KRT74: variants seen among roughly 807,000 people sequenced by gnomAD.
The protein encoded by KRT74 is keratin, type II cytoskeletal 74.
A neutral mutation model predicts 42.7 loss-of-function variants in KRT74; 43 were observed. The observed-to-expected ratio is 1.01, with a 90% CI of 0.79 to 1.30. The LOEUF (loss-of-function observed/expected upper bound fraction) is 1.30, where lower values mean the gene tolerates loss of function less well. Ranked by LOEUF, KRT74 falls within the 50% of genes most tolerant of loss-of-function variation. KRT74 has a pLI of 0.00. For synonymous variants in KRT74, 302 were observed against 279.0 expected (o/e 1.08, Z -0.82); for missense variants, 736 against 689.1 (o/e 1.07, Z -0.76).
intron 4 of KRT74, 29 bp from the exon 5 acceptor site, chr12:52,570,862 C>G (rs373252709): frequency 1.9e-6 from 3 of 1,613,816 alleles, no homozygotes; most frequent in Non-Finnish European, 2.5e-6. Flanking sequence ...ACAGATTCAG[C>G]AACCCCCTGG....
rs555652374 is a variant in KRT74, at chr12:52,566,413, G to A, written c.*556C>T. On this transcript the variant is annotated 3_prime_UTR_variant, in exon 9 of 9. Transcript: ENST00000305620. The stretch of plus-strand genomic sequence containing the variant: ...GAGAATCCCCAATACACCTTCACTT[G>A]GCTTTGTGGAGATGGGTGCAGCTGG... 1.3e-5 allele frequency: 2 copies of A among 152,468 alleles called. No individual in the cohort carries two copies. Among genetic ancestry groups the A allele is most frequent in the African/African-American group, 4.8e-5 (2 of 41,560 alleles). 9.4% of individuals were successfully genotyped at this position (152,468 alleles called of 1,614,324 possible).
At position 52,570,659 on chromosome 12, in the gene KRT74, C is replaced by A; in HGVS notation, c.1008+10G>T. ...GGGCTGCTGTGGGAGGAGACCCATT[C>A]GGTGACCACCTTGGTCTGGTACAGG... On this transcript the variant is annotated intron_variant, in intron 5 of 8. Coordinates refer to ENST00000305620, the MANE Select transcript of KRT74 (RefSeq NM_175053.4). 1.2e-6 allele frequency: 2 copies of A among 1,614,212 alleles called. No homozygotes were observed. Among genetic ancestry groups the A allele is most frequent in the Non-Finnish European group, 1.7e-6 (2 of 1,180,028 alleles).
intron 1 of KRT74, 86 bp from the exon 2 acceptor site, chr12:52,572,753 C>T (rs1385440397): frequency 2.4e-6 from 3 of 1,263,282 alleles, no homozygotes; most frequent in Non-Finnish European, 3.4e-6. Flanking sequence ...CCAGGTTTGC[C>T]ATAGATTGTT....
chr12:52,569,654 A>T, intron 6 of KRT74: 1 of 638,360 alleles, frequency 1.6e-6, no homozygotes, highest in Non-Finnish European at 2.8e-6. Context: ...TCAGAGAAAT[A>T]GGTTTGAGGC....
At chr12:52,571,337 G>T in intron 4 of KRT74, 22 bp downstream of exon 4, 5 of 1,409,930 alleles carry the variant, frequency 3.5e-6, no homozygotes, top group Non-Finnish European at 5.0e-6. Flanking sequence ...GGGTGAGGGT[G>T]GGGGGACAGG....
intron 8 of KRT74, 43 bp downstream of exon 8, chr12:52,567,616 T>C: frequency 6.8e-7 from 1 of 1,471,098 alleles, no homozygotes; most frequent in East Asian, 2.3e-5. Context: ...TGTCCCAGGG[T>C]CCCTGGCTTT....
chr12:52,573,203 G>T (rs1024327773), intron 1 of KRT74, 104 bp downstream of exon 1: 2 of 1,148,726 alleles, frequency 1.7e-6, no homozygotes, highest in Non-Finnish European at 2.6e-6. Context: ...CCTTCCTGAG[G>T]CCCAGCTGCA....
chr12:52,569,779 G>T, intron 6 of KRT74, 80 bp downstream of exon 6: 1 of 1,582,666 alleles, frequency 6.3e-7, no homozygotes, highest in South Asian at 1.1e-5. Flanking sequence ...ATATTTGCTT[G>T]TTCCCAAAGG....
chr12:52,571,927 G>A lies in KRT74; in HGVS notation c.747+17C>T, dbSNP rs368566178. 6.6e-7 allele frequency: 1 copy of A among 1,507,646 alleles called. No homozygotes were observed. The allele number at this position is 1,507,646 out of a possible 1,614,324, so 93.4% of individuals were successfully genotyped here. ...GGGTGCGAGAGACCCTAATAAGGAG[G>A]CTCCTCCCTCTCTTACCTTCTTAAG... On this transcript the variant is annotated intron_variant, in intron 3 of 8. Coordinates refer to ENST00000305620, the MANE Select transcript of KRT74 (RefSeq NM_175053.4).
Position 52,566,057 on chromosome 12 carries a change from AG to A in KRT74, c.*911del, listed in dbSNP as rs1939374777. The A allele has an allele frequency of 6.6e-6, 1 of 152,176 alleles. No homozygotes were observed. The highest frequency in any genetic ancestry group is 1.5e-5 in the Non-Finnish European group (1 of 68,038). 9.4% of individuals were successfully genotyped at this position (152,176 alleles called of 1,614,324 possible). A position where few individuals can be genotyped will look rare whatever the true frequency, so the allele number is the denominator to read the frequency against. On this transcript the variant is annotated 3_prime_UTR_variant, in exon 9 of 9. Coordinates refer to ENST00000305620, the MANE Select transcript of KRT74 (RefSeq NM_175053.4). ...ATCACATACCCACAGTCCTGACAAA[AG>A]GCAATGTAATTACGCTGCCCTCATC...
intron 7 of KRT74, 59 bp from the exon 8 acceptor site, chr12:52,567,752 C>A: frequency 1.6e-6 from 2 of 1,234,052 alleles, no homozygotes; most frequent in South Asian, 2.4e-5. Context: ...CACTAAACAT[C>A]AATGGGCTCC....
chr12:52,571,973 C>T lies in KRT74; in HGVS notation c.718G>A (p.Ala240Thr), dbSNP rs1206099973. ...TTAAGCACCACAAACTCATTCTCTG[C>T]TGTCGTGCGCCGGTTAATCTCCACT... Reference protein sequence around the residue: ...YEVEINRRTTAENEFVVLKKD... With the variant: ...YEVEINRRTTTENEFVVLKKD... The change falls in exon 3 of 9, where the codon GCA becomes ACA. Residue 240 changes from alanine (A) to threonine (T), a missense_variant. By Grantham distance (58) the Ala-to-Thr change is moderately conservative (BLOSUM62 0). Transcript: ENST00000305620. 1 of 1,597,798 alleles carries T rather than the reference C, an allele frequency of 6.3e-7. No homozygotes were observed. The highest frequency in any genetic ancestry group is 1.1e-5 in the South Asian group (1 of 90,740).
At position 52,566,230 on chromosome 12, in the gene KRT74, C is replaced by A. The variant is rs1939378199; in HGVS notation, c.*739G>T. Reference sequence around the variant, plus strand: ...TTCAGCAGCCTCTTGGGATCAGGCTCCCAGTCTGTTCCAAGGATGCTCATT... The same window carrying A: ...TTCAGCAGCCTCTTGGGATCAGGCTACCAGTCTGTTCCAAGGATGCTCATT... On this transcript the variant is annotated 3_prime_UTR_variant, in exon 9 of 9. Transcript: ENST00000305620. 1.3e-5 allele frequency: 2 copies of A among 152,082 alleles called. No individual in the cohort carries two copies. The highest frequency in any genetic ancestry group is 4.8e-5 in the African/African-American group (2 of 41,386). The allele number at this position is 152,082 out of a possible 1,614,324, so 9.4% of individuals were successfully genotyped here.
At chr12:52,569,291 T>C (rs1939433048) in intron 6 of KRT74, among the ~76,000 whole-genome samples, 1 of 108,026 alleles carries the variant, frequency 9.3e-6, no homozygotes, top group Admixed American at 1.5e-4. Flanking sequence ...AACATGGAAG[T>C]AGTACCATGG....
At chr12:52,567,264 A>G (rs1939397586) in intron 8 of KRT74, 96 bp from the exon 9 acceptor site, 1 of 1,045,074 alleles carries the variant, frequency 9.6e-7, no homozygotes, top group African/African-American at 1.6e-5. Flanking sequence ...CTCCACAACA[A>G]CACCTCATTT....
chr12:52,568,541 T>C (rs1056748014), intron 6 of KRT74, 152 bp from the exon 7 acceptor site: 2 of 789,196 alleles, frequency 2.5e-6, no homozygotes, highest in African/African-American at 3.4e-5. Context: ...GTCTCTTCTA[T>C]TTTCTATTGC....
At chr12:52,568,738 A>T (rs1939423663) in intron 6 of KRT74, among the ~76,000 whole-genome samples, 1 of 152,258 alleles carries the variant, frequency 6.6e-6, no homozygotes, top group Non-Finnish European at 1.5e-5. Context: ...GCCAGCCCTG[A>T]GGATGAGACA....
In KRT74 at chr12:52,568,080, A is replaced by C. The variant is rs867235904; in HGVS notation, c.1355+89T>G. ...CACCACATCTCTTGCTTGTATTGGC[A>C]CTAACCATGTTGTTCTCCAGGTGGC... On this transcript the variant is annotated intron_variant, in intron 7 of 8. Coordinates refer to ENST00000305620, the MANE Select transcript of KRT74 (RefSeq NM_175053.4). 52 of 1,442,526 alleles carry C rather than the reference A, an allele frequency of 3.6e-5. No homozygotes were observed. In the Middle Eastern group the frequency reaches 2.8e-3, roughly 77 times the overall value. The allele number at this position is 1,442,526 out of a possible 1,614,324, so 89.4% of individuals were successfully genotyped here. A position where few individuals can be genotyped will look rare whatever the true frequency, so the allele number is the denominator to read the frequency against.
intron 8 of KRT74, 81 bp from the exon 9 acceptor site, chr12:52,567,249 G>A (rs1592211652): frequency 2.4e-6 from 3 of 1,234,982 alleles, no homozygotes; most frequent in Admixed American, 2.6e-5. Flanking sequence ...TGTCCCCAAG[G>A]GCTTCTCCAC....
Sources: allele counts gnomAD v4.1 joint callset (sites outside exome capture counted in the v4.1 genomes callset), GRCh38; gene constraint gnomAD v4.1.1; transcripts MANE v1.5; gene names NCBI Gene and HGNC (gene_info 2026-07-23, HGNC 2026-07-21).